TAF7L: variants seen among roughly 807,000 people sequenced by gnomAD.
TAF7L encodes the protein transcription initiation factor TFIID subunit 7-like.
In TAF7L, 6 loss-of-function variants were observed where a neutral mutation model predicts 30.2. The ratio of observed to expected loss-of-function variants is 0.20; its 90% CI spans 0.11 to 0.39. The LOEUF (loss-of-function observed/expected upper bound fraction) is 0.39, where lower values mean the gene tolerates loss of function less well. Among genes scored for constraint, TAF7L ranks in the 10% least tolerant of loss-of-function variants. TAF7L has a pLI of 1.00. For missense variants in TAF7L, 284 were observed against 277.1 expected, an observed-to-expected ratio of 1.03 and a Z score of -0.18; for synonymous variants, 93 against 94.5, an observed-to-expected ratio of 0.98 and a Z score of 0.09.
chrX:101,282,602 C>T, intron 4 of TAF7L, 149 bp from the exon 5 acceptor site: 1 of 640,585 alleles, frequency 1.6e-6, no homozygotes, highest in Non-Finnish European at 2.3e-6. Context: ...TTTATATTCT[C>T]TCATTTTTGC....
At chrX:101,283,630 T>TA in intron 3 of TAF7L, 47 bp from the exon 4 acceptor site, 1 of 1,184,959 alleles carries the variant, frequency 8.4e-7, no homozygotes, top group Non-Finnish European at 1.1e-6. Context: ...AGTGAACTCT[T>TA]AAACTTCCTA....
intron 3 of TAF7L, among the ~76,000 whole-genome samples, 190 bp downstream of exon 3, chrX:101,286,384 AG>A (rs1407263958): frequency 9.0e-6 from 1 of 110,880 alleles, no homozygotes; most frequent in African/African-American, 3.3e-5. Context: ...ACTCAACTCA[AG>A]GTGCAATATT....
chrX:101,288,455 CT>C (rs58220003), intron 1 of TAF7L, among the ~76,000 whole-genome samples: 39 of 94,093 alleles, frequency 4.1e-4, no homozygotes, highest in South Asian at 5.1e-4. Context: ...GAATCCAGTT[CT>C]TTTTTTTTTT....
intron 12 of TAF7L, among the ~76,000 whole-genome samples, chrX:101,272,716 G>C (rs1251709845): frequency 9.0e-6 from 1 of 111,389 alleles, no homozygotes; most frequent in African/African-American, 3.3e-5. Flanking sequence ...GACTGCAGTG[G>C]TGGTTGTACA....
At chrX:101,277,472 A>AAAAAAAAT in intron 9 of TAF7L, 134 bp downstream of exon 9, 1 of 252,296 alleles carries the variant, frequency 4.0e-6, no homozygotes, top group Non-Finnish European at 6.9e-6. Context: ...AAAAAAAAAG[A>AAAAAAAAT]GGGAAGGACG....
At chrX:101,277,290 C>G (rs748947735) in intron 9 of TAF7L, among the ~76,000 whole-genome samples, 3 of 104,350 alleles carry the variant, frequency 2.9e-5, no homozygotes, top group African/African-American at 1.1e-4. Flanking sequence ...GAAACCCCGA[C>G]GCTAGTAAAA....
rs1364378029 is a variant in TAF7L at position 101,291,320 on chromosome X, A to C, written c.-99T>G. ...GAACCGCGCGTGGGCTCCCGCGCGGAACGTAGAGGCGAACGCTGGGCTGCC... is the reference window on the plus strand; with the variant it reads ...GAACCGCGCGTGGGCTCCCGCGCGGCACGTAGAGGCGAACGCTGGGCTGCC... On this transcript the variant is annotated 5_prime_UTR_variant, in exon 1 of 13. Coordinates refer to ENST00000356784, the MANE Select transcript of TAF7L (RefSeq NM_001168474.2). 3 of 751,200 alleles carry C rather than the reference A, an allele frequency of 4.0e-6. No individual in the cohort carries two copies. Among genetic ancestry groups the C allele is most frequent in the Non-Finnish European group, 4.7e-6 (3 of 637,391 alleles). 61.9% of individuals were successfully genotyped at this position (751,200 alleles called of 1,213,427 possible). A position where few individuals can be genotyped will look rare whatever the true frequency, so the allele number is the denominator to read the frequency against.
chrX:101,279,414 G>A (rs1481090187), intron 6 of TAF7L, among the ~76,000 whole-genome samples: 1 of 111,411 alleles, frequency 9.0e-6, no homozygotes, highest in African/African-American at 3.3e-5. Flanking sequence ...GTGAGGTCAG[G>A]AGTTCGAGAC....
rs748961579 is a variant in TAF7L at position 101,276,437 on chromosome X, CTCATCCTCATCCTCATCTTCA to C, written c.762_782del (p.Asp254_Asp260del). On this transcript the variant is annotated inframe_deletion, in exon 10 of 13. Transcript: ENST00000356784. The stretch of plus-strand genomic sequence containing the variant: ...CTTTGTCTTCATCTTCATCCTCATC[CTCATCCTCATCCTCATCTTCA>C]TCATCCTCATCCTCATCATCATCAT... 5.8e-6 allele frequency: 7 copies of C among 1,203,429 alleles called. No homozygotes were observed. Among genetic ancestry groups the C allele is most frequent in the Non-Finnish European group, 5.6e-6 (5 of 889,015 alleles).
chrX:101,279,749 G>A (rs1218193791), intron 6 of TAF7L, among the ~76,000 whole-genome samples: 2 of 111,999 alleles, frequency 1.8e-5, no homozygotes, highest in Non-Finnish European at 3.8e-5. Flanking sequence ...GCGACACTGT[G>A]ATATTGGTGG....
In TAF7L at chrX:101,283,550, T is replaced by C. The variant is rs1020579003; in HGVS notation, c.179A>G (p.Asp60Gly). The C allele has an allele frequency of 8.3e-7, 1 of 1,211,634 alleles. No individual in the cohort carries two copies. Among genetic ancestry groups the C allele is most frequent in the African/African-American group, 1.7e-5 (1 of 57,872 alleles). The change falls in exon 4 of 13, where the codon GAT (aspartate) becomes GGT (glycine). Residue 60 changes from aspartate to glycine, a missense_variant. Coordinates refer to ENST00000356784, the MANE Select transcript of TAF7L (RefSeq NM_001168474.2). ...AACCAGCTTAGCAGCTAGTGGGACA[T>C]CTTCTACTTCAACAACTGCATGGCG... is the stretch of plus-strand genomic sequence containing the variant. The part of the protein sequence containing the change: ...DGRHAVVEVE[D>G]VPLAAKLVDL...
intron 9 of TAF7L, 77 bp from the exon 10 acceptor site, chrX:101,276,605 C>G: frequency 9.9e-7 from 1 of 1,011,311 alleles, no homozygotes; most frequent in East Asian, 3.1e-5. Flanking sequence ...TAATTATACT[C>G]CTTTCACATT....
At chrX:101,284,318 A>C (rs777044017) in intron 3 of TAF7L, among the ~76,000 whole-genome samples, 3 of 112,217 alleles carry the variant, frequency 2.7e-5, no homozygotes, top group Non-Finnish European at 5.6e-5. Context: ...GGGCACCATA[A>C]GGAAGAAGAG....
chrX:101,281,585 G>T (rs1924409361), intron 6 of TAF7L, 135 bp downstream of exon 6: 5 of 603,300 alleles, frequency 8.3e-6, no homozygotes, highest in Non-Finnish European at 1.3e-5. Context: ...CTGGCATTTA[G>T]TTCACATTCA....
At chrX:101,281,910 G>A (rs1333455188) in intron 5 of TAF7L, 135 bp from the exon 6 acceptor site, 72 of 524,240 alleles carry the variant, frequency 1.4e-4, no homozygotes, top group Non-Finnish European at 2.0e-4. Flanking sequence ...TTTTGAGATC[G>A]AGTCCCACTC....
intron 12 of TAF7L, among the ~76,000 whole-genome samples, chrX:101,271,566 C>T (rs1199673118): frequency 1.8e-5 from 2 of 111,798 alleles, no homozygotes; most frequent in African/African-American, 6.5e-5. Context: ...ATGAATAGAG[C>T]TTGCAGGACT....
chrX:101,284,861 CATTT>C (rs775492111), intron 3 of TAF7L, among the ~76,000 whole-genome samples: 89 of 109,317 alleles, frequency 8.1e-4, no homozygotes, highest in African/African-American at 2.6e-3. Context: ...TGTGTGGAAA[CATTT>C]ATTTATTTAT....
At chrX:101,288,272 G>C (rs1457634254) in intron 1 of TAF7L, among the ~76,000 whole-genome samples, 1 of 109,290 alleles carries the variant, frequency 9.1e-6, no homozygotes, top group African/African-American at 3.3e-5. Context: ...CTCCCAAGTA[G>C]TTGGGACTAC....
At position 101,278,977 on chromosome X, in the gene TAF7L, T is replaced by C; in HGVS notation, c.504+17A>G. ...CACATTAAGGGTAAAAATGAAGTTA[T>C]ATTATGATTGCTCTACCTCAGTAAA... is the stretch of plus-strand genomic sequence containing the variant. On this transcript the variant is annotated intron_variant, in intron 7 of 12. Transcript: ENST00000356784. The C allele has an allele frequency of 3.4e-6, 4 of 1,192,719 alleles. No homozygotes were observed. The highest frequency in any genetic ancestry group is 4.5e-6 in the Non-Finnish European group (4 of 879,482).
Sources: gnomAD v4.1 joint callset for allele counts (sites outside exome capture counted in the v4.1 genomes callset) on GRCh38, gnomAD v4.1.1 for gene constraint, MANE v1.5 for transcripts, NCBI Gene and HGNC (gene_info 2026-07-23, HGNC 2026-07-21) for gene names.